Variants in ZNF841 observed in about 807,000 individuals in gnomAD.
The protein encoded by ZNF841 is TCONS_00006091.
In ZNF841, 11 loss-of-function variants were observed where a neutral mutation model predicts 13.0. That is an observed-to-expected ratio of 0.85 (90% CI 0.53 to 1.40). The LOEUF (loss-of-function observed/expected upper bound fraction) is 1.40. ZNF841 is among the 40% of genes most tolerant of loss of function. The pLI, the probability that ZNF841 is intolerant of heterozygous loss-of-function variation, is 0.00. For missense variants in ZNF841, 1,068 were observed against 1,139.5 expected (o/e 0.94, Z 0.90); for synonymous variants, 369 against 381.6 (o/e 0.97, Z 0.38).
chr19:52,093,889 G>C lies in ZNF841; in HGVS notation c.-187C>G, dbSNP rs1046232633. The C allele has an allele frequency of 2.0e-5, 3 of 152,140 alleles. No individual in the cohort carries two copies. The highest frequency in any genetic ancestry group is 1.9e-4 in the East Asian group (1 of 5,190). 9.4% of individuals were successfully genotyped at this position (152,140 alleles called of 1,614,324 possible). A position where few individuals can be genotyped will look rare whatever the true frequency, so the allele number is the denominator to read the frequency against. ...TGGCTCACATCTGTAATTCCAGTGC[G>C]TTGAGAGGCTGAGGTGGAAAGACTG... On this transcript the variant is annotated 5_prime_UTR_variant, in exon 2 of 7. Coordinates refer to ENST00000594440, the MANE Select transcript of ZNF841 (RefSeq NM_001136499.2).
chr19:52,088,123 C>G (rs2088349697), intron 3 of ZNF841, among the ~76,000 whole-genome samples: 1 of 151,712 alleles, frequency 6.6e-6, no homozygotes, highest in Admixed American at 6.6e-5. Context: ...TGCATGATTC[C>G]TGCACTCCCA....
At chr19:52,061,536 T>TC (rs954185036), downstream of ZNF841, among the ~76,000 whole-genome samples, 2 of 151,236 alleles carry the variant, frequency 1.3e-5, no homozygotes, top group African/African-American at 2.4e-5. Flanking sequence ...TTATAGATGA[T>TC]CCCCCCCACT....
rs530896675 is a variant in ZNF841 at position 52,067,316 on chromosome 19, T to C, written c.566A>G (p.Gln189Arg). ...HMENQLILRF[Q>R]SGLGELQKFQ... ...TTTCTGCAATTCACCCAGACCGGAC[T>C]GAAACCTTAATATAAGCTGATTTTC... is the stretch of plus-strand genomic sequence containing the variant. The change falls in exon 7 of 7, where the codon CAG becomes CGG. Residue 189 changes from glutamine to arginine, a missense_variant. By Grantham distance (43) the Gln-to-Arg change is conservative (BLOSUM62 1). Transcript: ENST00000594440. 1.1e-4 allele frequency: 164 copies of C among 1,551,686 alleles called. 3 individuals are homozygous for C. In the South Asian group the frequency reaches 1.5e-3, roughly 15 times the overall value.
intron 2 of ZNF841, among the ~76,000 whole-genome samples, chr19:52,090,819 T>C (rs1404670012): frequency 2.0e-5 from 3 of 152,136 alleles, no homozygotes; most frequent in African/African-American, 7.2e-5. Context: ...CTGTTTATCA[T>C]GAATGCAGGA....
In ZNF841 at chr19:52,066,500, T is replaced by G; in HGVS notation, c.1382A>C (p.Glu461Ala). The change falls in exon 7 of 7, where the codon GAA becomes GCA. Residue 461 changes from glutamate (E) to alanine (A), a missense_variant. Transcript: ENST00000594440. Reference protein sequence around the residue: ...HTGETPYKCNECGKVFFQRSR... With the variant: ...HTGETPYKCNACGKVFFQRSR... ...ACGTTGAAAGAAGACCTTGCCACAT[T>G]CATTACATTTGTAAGGTGTCTCTCC... The G allele has an allele frequency of 6.2e-7, 1 of 1,613,904 alleles. No individual in the cohort carries two copies. Among genetic ancestry groups the G allele is most frequent in the South Asian group, 1.1e-5 (1 of 91,048 alleles).
intron 3 of ZNF841, among the ~76,000 whole-genome samples, chr19:52,086,578 A>G (rs2088282053): frequency 6.6e-6 from 1 of 152,192 alleles, no homozygotes; most frequent in Non-Finnish European, 1.5e-5. Context: ...CAATTCAAGA[A>G]TGGACTAATA....
At chr19:52,062,114 A>G, downstream of ZNF841, among the ~76,000 whole-genome samples, 1 of 152,158 alleles carries the variant, frequency 6.6e-6, no homozygotes, top group Non-Finnish European at 1.5e-5. Context: ...AAAAGCTAGG[A>G]AGCTACTCTA....
At chr19:52,059,906 A>G (rs1018279957), downstream of ZNF841, among the ~76,000 whole-genome samples, 7 of 152,148 alleles carry the variant, frequency 4.6e-5, no homozygotes, top group East Asian at 1.3e-3. Context: ...AACCAATCAG[A>G]TATTTGCGTA....
chr19:52,094,681 A>G (rs1600111597), intron 1 of ZNF841, among the ~76,000 whole-genome samples: 1 of 149,732 alleles, frequency 6.7e-6, no homozygotes, highest in Admixed American at 6.7e-5. Context: ...TTCTCCCTCT[A>G]CTCTGCTTGT....
chr19:52,059,370 A>AAAAATATATAT, the ZNF841 span, among the ~76,000 whole-genome samples: 3 of 69,648 alleles, frequency 4.3e-5, no homozygotes, highest in African/African-American at 2.5e-4. Context: ...AAAAAAAAAA[A>AAAAATATATAT]ATATATATAT....
At chr19:52,085,804 T>C (rs552274111) in intron 3 of ZNF841, among the ~76,000 whole-genome samples, 3 of 152,220 alleles carry the variant, frequency 2.0e-5, no homozygotes, top group Non-Finnish European at 4.4e-5. Context: ...GCAGATTAGG[T>C]AGAGATGAGG....
chr19:52,059,390 T>TATATATATACACACACACACACACACAC, the ZNF841 span, among the ~76,000 whole-genome samples: 3 of 96,386 alleles, frequency 3.1e-5, no homozygotes, highest in African/African-American at 1.2e-4. Context: ...TATATATATA[T>TATATATATACACACACACACACACACAC]ACACACACAC....
Position 52,066,788 on chromosome 19 carries a change from C to A in ZNF841, c.1094G>T (p.Arg365Ile), listed in dbSNP as rs754067435. 2.5e-6 allele frequency: 4 copies of A among 1,613,870 alleles called. No individual in the cohort carries two copies. Among genetic ancestry groups the A allele is most frequent in the African/African-American group, 1.3e-5 (1 of 74,900 alleles). ...SKSSHLAVHQ[R>I]IHTGEKPYKC... ...GTAAGGTTTCTCTCCAGTATGAATT[C>A]TCTGATGAACTGCAAGGTGGGAACT... is the stretch of plus-strand genomic sequence containing the variant. Residue 365 changes from arginine to isoleucine, a missense_variant, in exon 7 of 7, where the codon AGA becomes ATA. Physicochemically the swap from Arg to Ile is moderately conservative, Grantham distance 97 (BLOSUM62 -3). Transcript: ENST00000594440.
Position 52,076,049 on chromosome 19 carries a change from A to T in ZNF841, c.266T>A (p.Ile89Asn). ...PNCGECMKGV[I>N]TGISPKCVIK... ...GTGCCCATCTGAGCTCTTACCGGTG[A>T]TCACGCCTTTCATGCATTCCCCACA... The change falls in exon 6 of 7, where the codon ATC (isoleucine) becomes AAC (asparagine). Residue 89 changes from isoleucine (I) to asparagine (N), a missense_variant. Ile to Asn is a moderately radical substitution (Grantham distance 149). Coordinates refer to ENST00000594440, the MANE Select transcript of ZNF841 (RefSeq NM_001136499.2). The T allele has an allele frequency of 1.9e-6, 3 of 1,552,454 alleles. No homozygotes were observed. The highest frequency in any genetic ancestry group is 2.6e-6 in the Non-Finnish European group (3 of 1,147,414).
chr19:52,091,203 A>T (rs1444551090), intron 2 of ZNF841, among the ~76,000 whole-genome samples: 1 of 152,240 alleles, frequency 6.6e-6, no homozygotes, highest in East Asian at 1.9e-4. Context: ...ACACACAAAG[A>T]AATGGAAAGC....
chr19:52,065,352 T>C lies in ZNF841; in HGVS notation c.2530A>G (p.Thr844Ala), dbSNP rs751471335. The C allele has an allele frequency of 6.2e-6, 10 of 1,608,098 alleles. No homozygotes were observed. The highest frequency in any genetic ancestry group is 1.3e-5 in the African/African-American group (1 of 74,832). Residue 844 changes from threonine (T) to alanine (A), a missense_variant, in exon 7 of 7, where the codon ACT (threonine) becomes GCT (alanine). Transcript: ENST00000594440. ...SNLVYHQRNH[T>A]GEKPYKCMEC... ...ATACATTTGTATGGCTTCTCTCCAG[T>C]ATGGTTTCTCTGATGGTAAACCAAG... is the stretch of plus-strand genomic sequence containing the variant.
At chr19:52,077,732 T>C (rs1224657488) in intron 4 of ZNF841, among the ~76,000 whole-genome samples, 2 of 152,158 alleles carry the variant, frequency 1.3e-5, no homozygotes, top group African/African-American at 4.8e-5. Flanking sequence ...ACAGTTATAT[T>C]ACAGAGTATG....
intron 1 of ZNF841, among the ~76,000 whole-genome samples, chr19:52,094,511 C>G (rs112140797): frequency 0.019 from 2,861 of 152,224 alleles, 88 homozygotes; most frequent in African/African-American, 0.065. Flanking sequence ...TCTTTCTCCC[C>G]AATCTTTCCG....
intron 2 of ZNF841, among the ~76,000 whole-genome samples, chr19:52,090,673 A>AAG (rs2088453551): frequency 7.0e-6 from 1 of 142,948 alleles, no homozygotes; most frequent in South Asian, 2.4e-4. Context: ...GAAAGAAAGA[A>AAG]AGAAAGAAAG....
Sources: gnomAD v4.1 joint callset for allele counts (sites outside exome capture counted in the v4.1 genomes callset) on GRCh38, gnomAD v4.1.1 for gene constraint, MANE v1.5 for transcripts, NCBI Gene and HGNC (gene_info 2026-07-23, HGNC 2026-07-21) for gene names.